PACS2: variants seen among roughly 807,000 people sequenced by gnomAD.
PACS2 encodes the protein PACS1-like protein.
PACS2 carries 36 observed loss-of-function variants against 113.0 expected under a neutral mutation model. The observed-to-expected ratio is 0.32, with a 90% CI of 0.24 to 0.42. The LOEUF (loss-of-function observed/expected upper bound fraction) is 0.42, where lower values mean the gene tolerates loss of function less well. PACS2 is among the 10% of genes least tolerant of loss of function. The probability of loss-of-function intolerance (pLI) is 1.00; values close to 1 mark genes in which losing one functional copy is unlikely to be tolerated. For synonymous variants in PACS2, 589 were observed against 536.1 expected, an observed-to-expected ratio of 1.10 and a Z score of -1.36; for missense variants, 1,015 against 1,239.5, an observed-to-expected ratio of 0.82 and a Z score of 2.72.
rs587628778 is a variant in PACS2 at position 105,367,174 on chromosome 14, C to T, written c.424-39C>T. 330 of 1,593,970 alleles carry T rather than the reference C, an allele frequency of 2.1e-4. 4 individuals are homozygous for T. In the South Asian group the frequency reaches 2.8e-3, roughly 13 times the overall value. On this transcript the variant is annotated intron_variant, in intron 4 of 24. Transcript: ENST00000447393. ...ACATCAGGGCACCGGGGCTCCTTCC[C>T]GTCGTGCTGCTTTCTAGAACCGTGC...
In PACS2 at chr14:105,397,705, G is replaced by C. The variant is rs1164597485; in HGVS notation, c.*3033G>C. On this transcript the variant is annotated 3_prime_UTR_variant, in exon 25 of 25. Coordinates refer to ENST00000447393, the MANE Select transcript of PACS2 (RefSeq NM_001100913.3). Reference sequence around the variant, plus strand: ...GGGCCTCTGGGTGAGAGCTGGGGGTGTCTCTGCAGGGTACTGGCAGCCTTG... The same window carrying C: ...GGGCCTCTGGGTGAGAGCTGGGGGTCTCTCTGCAGGGTACTGGCAGCCTTG... 2.0e-5 allele frequency: 3 copies of C among 152,614 alleles called. No homozygotes were observed. The highest frequency in any genetic ancestry group is 6.5e-5 in the Admixed American group (1 of 15,288). The allele number at this position is 152,614 out of a possible 1,614,324, so 9.5% of individuals were successfully genotyped here.
intron 1 of PACS2, among the ~76,000 whole-genome samples, chr14:105,345,886 G>A (rs10131650): frequency 0.042 from 6,380 of 152,298 alleles, 466 homozygotes; most frequent in African/African-American, 0.15. Flanking sequence ...GAACCAGGAC[G>A]AGGGTCCCTG....
intron 15 of PACS2, 179 bp downstream of exon 15, chr14:105,383,092 C>CAGCA: frequency 4.8e-6 from 3 of 624,950 alleles, no homozygotes; most frequent in Middle Eastern, 2.9e-4. Context: ...TGGGCGGGAG[C>CAGCA]AGCAGCCTGG....
intron 1 of PACS2, among the ~76,000 whole-genome samples, chr14:105,341,955 A>G (rs1406402578): frequency 1.3e-5 from 2 of 152,204 alleles, no homozygotes; most frequent in African/African-American, 4.8e-5. Flanking sequence ...TTTTGTGACA[A>G]GCATCTTGGG....
intron 1 of PACS2, among the ~76,000 whole-genome samples, chr14:105,343,925 T>C (rs1358565986): frequency 6.6e-6 from 1 of 151,662 alleles, no homozygotes; most frequent in Non-Finnish European, 1.5e-5. Context: ...ATAAAATTTT[T>C]GTCGAATGTG....
In PACS2 at chr14:105,378,952, C is replaced by T. The variant is rs587658672; in HGVS notation, c.960-787C>T. ...ATGGCCTGGATCTGCCTGAGTGGTC[C>T]GGAAAGGCATGGGTGGCCTGGATCA... On this transcript the variant is annotated intron_variant, in intron 9 of 24. Transcript: ENST00000447393. Among the ~76,000 whole-genome samples, 7 of 140,174 alleles carry T rather than the reference C, an allele frequency of 5.0e-5. No homozygotes were observed. The South Asian group carries it at 1.4e-3, about 28-fold the overall frequency. 92.0% of individuals were successfully genotyped at this position (140,174 alleles called of 152,430 possible). A position where few individuals can be genotyped will look rare whatever the true frequency, so the allele number is the denominator to read the frequency against.
At chr14:105,305,705 G>A (rs764756581) in intron 1 of PACS2, among the ~76,000 whole-genome samples, 23 of 152,314 alleles carry the variant, frequency 1.5e-4, no homozygotes, top group East Asian at 3.9e-4. Flanking sequence ...CCTGGGGACC[G>A]GTTAGGTGCC....
intron 15 of PACS2, 135 bp downstream of exon 15, chr14:105,383,048 A>G: frequency 1.6e-6 from 1 of 644,946 alleles, no homozygotes; most frequent in African/African-American, 1.8e-5. Context: ...AGGCTGACCC[A>G]TGCGCTCTTC....
Position 105,330,886 on chromosome 14 carries a change from C to T in PACS2, c.119+15849C>T, listed in dbSNP as rs143369185. On this transcript the variant is annotated intron_variant, in intron 1 of 24. Transcript: ENST00000447393. This position sits in a 1 kb window ranked among gnomAD's most constrained non-coding sequence, Gnocchi z 6.9. ...CCATGCAGCCTCTACCGGCATCTCA[C>T]GTGATGTCAACCTTCTGGGTCCTTG... Among the ~76,000 whole-genome samples, 3 of 152,324 alleles carry T rather than the reference C, an allele frequency of 2.0e-5. No homozygotes were observed. The highest frequency in any genetic ancestry group is 4.8e-5 in the African/African-American group (2 of 41,570).
intron 1 of PACS2, among the ~76,000 whole-genome samples, chr14:105,306,346 C>T (rs967103485): frequency 2.6e-5 from 4 of 152,204 alleles, no homozygotes; most frequent in Non-Finnish European, 4.4e-5. Context: ...CTCTGTCCCC[C>T]AGGCTGGAGT....
chr14:105,367,899 T>G (rs948603010), intron 5 of PACS2, among the ~76,000 whole-genome samples, 175 bp from the exon 6 acceptor site: 1 of 151,578 alleles, frequency 6.6e-6, no homozygotes, highest in African/African-American at 2.4e-5. Context: ...GCCAGTGGAC[T>G]TGGGGGACTC....
Position 105,365,930 on chromosome 14 carries a change from C to T in PACS2, c.424-1283C>T, listed in dbSNP as rs2060928799. 6.6e-6 allele frequency among the ~76,000 whole-genome samples: 1 copy of T among 152,234 alleles called. No individual in the cohort carries two copies. The highest frequency in any genetic ancestry group is 6.5e-5 in the Admixed American group (1 of 15,290). On this transcript the variant is annotated intron_variant, in intron 4 of 24. Transcript: ENST00000447393. This position sits in a 1 kb window ranked among gnomAD's most constrained non-coding sequence, Gnocchi z 5.1. Reference sequence around the variant, plus strand: ...CGTCAGCAGTGGGTGCGAGTGTTGGCAGAAGCTGCCAGCTGCCCTTCGTCA... The same window carrying T: ...CGTCAGCAGTGGGTGCGAGTGTTGGTAGAAGCTGCCAGCTGCCCTTCGTCA...
At chr14:105,345,372 A>G (rs1017132054) in intron 1 of PACS2, among the ~76,000 whole-genome samples, 6 of 151,968 alleles carry the variant, frequency 3.9e-5, no homozygotes, top group African/African-American at 1.5e-4. Flanking sequence ...ACGCCACCGC[A>G]CTCCAGCCTG....
intron 1 of PACS2, among the ~76,000 whole-genome samples, chr14:105,307,467 G>C (rs1158113128): frequency 6.6e-6 from 1 of 152,004 alleles, no homozygotes; most frequent in Admixed American, 6.6e-5. Flanking sequence ...TCCCTGTCCT[G>C]ACTGGCCCTG....
intron 2 of PACS2, among the ~76,000 whole-genome samples, chr14:105,350,444 G>A (rs1417446277): frequency 1.3e-5 from 2 of 152,102 alleles, no homozygotes; most frequent in Non-Finnish European, 2.9e-5. Flanking sequence ...TGTCTTGACC[G>A]AGAGCTTGGC....
chr14:105,382,730 G>A (rs2081037185), intron 14 of PACS2, 77 bp from the exon 15 acceptor site: 1 of 998,066 alleles, frequency 1.0e-6, no homozygotes, highest in Non-Finnish European at 1.5e-6. Context: ...GAGCCCCTGA[G>A]AGCTTTGGTG....
chr14:105,334,149 C>T (rs973793775), intron 1 of PACS2, among the ~76,000 whole-genome samples: 12 of 152,218 alleles, frequency 7.9e-5, no homozygotes, highest in African/African-American at 2.9e-4. Flanking sequence ...CAGTGGCCGC[C>T]GTCTGCTCAG....
At chr14:105,353,087 C>T (rs1595670033) in intron 3 of PACS2, among the ~76,000 whole-genome samples, 2 of 91,224 alleles carry the variant, frequency 2.2e-5, no homozygotes, top group African/African-American at 9.4e-5. Flanking sequence ...CCTGGGGTGA[C>T]AGGCCCCCCC....
At chr14:105,386,660 C>T (rs1555413647) in intron 19 of PACS2, among the ~76,000 whole-genome samples, 1 of 152,064 alleles carries the variant, frequency 6.6e-6, no homozygotes, top group African/African-American at 2.4e-5. Flanking sequence ...AGGAAACCCC[C>T]CCAACCCCCT....
Sources: gnomAD v4.1 joint callset for allele counts (sites outside exome capture counted in the v4.1 genomes callset) on GRCh38, gnomAD v4.1.1 for gene constraint, Gnocchi (gnomAD v3.1) non-coding constraint, MANE v1.5 for transcripts, NCBI Gene and HGNC (gene_info 2026-07-23, HGNC 2026-07-21) for gene names.